Variants in ZMYM4 observed in about 807,000 individuals in gnomAD.
ZMYM4 encodes zinc finger MYM-type protein 4.
A neutral mutation model predicts 183.2 loss-of-function variants in ZMYM4; 31 were observed. That is an observed-to-expected ratio of 0.17 (90% CI 0.13 to 0.23). ZMYM4 has a LOEUF of 0.23. Ranked by LOEUF, ZMYM4 falls within the 10% of genes least tolerant of loss-of-function variation. The pLI, the probability that ZMYM4 is intolerant of heterozygous loss-of-function variation, is 1.00. For missense variants in ZMYM4, 1,273 were observed against 1,840.3 expected, an observed-to-expected ratio of 0.69 and a Z score of 5.64; for synonymous variants, 592 against 631.2, an observed-to-expected ratio of 0.94 and a Z score of 0.93.
At chr1:35,284,376 T>C (rs900202783) in intron 1 of ZMYM4, among the ~76,000 whole-genome samples, 1 of 152,258 alleles carries the variant, frequency 6.6e-6, no homozygotes, top group Non-Finnish European at 1.5e-5. Flanking sequence ...TAAGTTCATG[T>C]AGATTTTTCC....
chr1:35,367,835 G>T (rs189530001), intron 5 of ZMYM4, among the ~76,000 whole-genome samples: 2 of 152,146 alleles, frequency 1.3e-5, no homozygotes, highest in Admixed American at 1.3e-4. Flanking sequence ...AATTAGCCGG[G>T]TGTGGTGGCA....
chr1:35,295,796 G>A (rs1193071049), intron 1 of ZMYM4: 1 of 152,184 alleles, frequency 6.6e-6, no homozygotes, highest in Non-Finnish European at 1.5e-5. Flanking sequence ...CTGGGCCTGT[G>A]AATTGACTAA....
chr1:35,359,244 A>G lies in ZMYM4; in HGVS notation c.405A>G (p.Lys135=). 1.2e-6 allele frequency: 2 copies of G among 1,609,922 alleles called. No individual in the cohort carries two copies. The highest frequency in any genetic ancestry group is 1.7e-6 in the Non-Finnish European group (2 of 1,178,448). Residue 135 remains lysine (K), a synonymous_variant, in exon 3 of 30, where the codon AAA becomes AAG. Transcript: ENST00000314607. ...AAATACAAATTCAAAATAAGTTAAA[A>G]AAAGACTTTCCTAAACAATTTGATC... ...ENEIQIQNKL[K]KDFPKQFDQV...
intron 7 of ZMYM4, among the ~76,000 whole-genome samples, chr1:35,375,151 A>T (rs999652745): frequency 6.6e-6 from 1 of 151,296 alleles, no homozygotes; most frequent in African/African-American, 2.4e-5. Flanking sequence ...CTTCTTTCTT[A>T]CTTTTCTCCT....
At chr1:35,312,634 T>A (rs1185676619) in intron 1 of ZMYM4, among the ~76,000 whole-genome samples, 3 of 152,112 alleles carry the variant, frequency 2.0e-5, no homozygotes, top group Non-Finnish European at 4.4e-5. Context: ...TGTCTTTTTT[T>A]CTTTCTTTTC....
intron 26 of ZMYM4, among the ~76,000 whole-genome samples, chr1:35,412,013 A>G (rs1639924374): frequency 6.6e-6 from 1 of 151,452 alleles, no homozygotes; most frequent in South Asian, 2.1e-4. Context: ...CCTCCGAAGT[A>G]GCTGGGACTA....
chr1:35,383,914 A>G (rs980365541), intron 9 of ZMYM4, among the ~76,000 whole-genome samples: 3 of 152,170 alleles, frequency 2.0e-5, no homozygotes, highest in African/African-American at 7.2e-5. Context: ...GTAAATAACT[A>G]TGATACCACC....
intron 1 of ZMYM4, among the ~76,000 whole-genome samples, chr1:35,320,559 C>T (rs1642239213): frequency 6.6e-6 from 1 of 152,078 alleles, no homozygotes; most frequent in Non-Finnish European, 1.5e-5. Context: ...GTGGGGGTTG[C>T]GCACACCCCA....
At chr1:35,405,540 A>T (rs1558184795) in intron 25 of ZMYM4, 72 bp downstream of exon 25, 1 of 1,175,736 alleles carries the variant, frequency 8.5e-7, no homozygotes. Context: ...TGTAAATTGA[A>T]TATTTAAAAT....
chr1:35,377,814 G>A (rs1451406943), intron 7 of ZMYM4, among the ~76,000 whole-genome samples: 1 of 152,140 alleles, frequency 6.6e-6, no homozygotes, highest in Non-Finnish European at 1.5e-5. Context: ...GGTGGCTGTG[G>A]CAATTTCTTA....
At chr1:35,333,753 CTTAT>C (rs1210125277) in intron 2 of ZMYM4, among the ~76,000 whole-genome samples, 2 of 151,990 alleles carry the variant, frequency 1.3e-5, no homozygotes, top group African/African-American at 4.8e-5. Flanking sequence ...TTGAGTTTTT[CTTAT>C]TTAACAAAAA....
At chr1:35,271,297 G>A (rs200957212) in intron 1 of ZMYM4, among the ~76,000 whole-genome samples, 2 of 151,556 alleles carry the variant, frequency 1.3e-5, no homozygotes, top group East Asian at 3.9e-4. Flanking sequence ...AATATATTCT[G>A]CCTCTTGTCG....
At chr1:35,364,200 A>G (rs1406419195) in intron 5 of ZMYM4, among the ~76,000 whole-genome samples, 1 of 152,142 alleles carries the variant, frequency 6.6e-6, no homozygotes, top group African/African-American at 2.4e-5. Flanking sequence ...CCAAAGGCTT[A>G]CTCCCTGATT....
rs909367757 is a variant in ZMYM4, at chr1:35,371,662, G to A, written c.1181+1035G>A. Among the ~76,000 whole-genome samples the A allele has an allele frequency of 1.2e-4, 18 of 152,116 alleles. 1 individual carries two copies. Among genetic ancestry groups the A allele is most frequent in the Non-Finnish European group, 2.1e-4 (14 of 68,014 alleles). The stretch of plus-strand genomic sequence containing the variant: ...CCATGATTCATTTATTACTTTAGGC[G>A]GTAATGTTTATAGTTCCTCACACAG... On this transcript the variant is annotated intron_variant, in intron 7 of 29. Coordinates refer to ENST00000314607, the MANE Select transcript of ZMYM4 (RefSeq NM_005095.3).
In ZMYM4 at chr1:35,342,467, G is replaced by A. The variant is rs12039394; in HGVS notation, c.86-16458G>A. Among the ~76,000 whole-genome samples the A allele has an allele frequency of 0.02, 3,016 of 152,030 alleles. 209 individuals carry two copies. In the East Asian group the frequency reaches 0.25, roughly 12 times the overall value. ...TCTTGGCCTCCATTTCATTTAAGTC[G>A]TCCCTGTCTTTTGAACTGTAAGCGT... On this transcript the variant is annotated intron_variant, in intron 2 of 29. Coordinates refer to ENST00000314607, the MANE Select transcript of ZMYM4 (RefSeq NM_005095.3).
chr1:35,370,323 CA>C (rs745853263), intron 6 of ZMYM4, 48 bp from the exon 7 acceptor site: 41 of 1,378,134 alleles, frequency 3.0e-5, no homozygotes, highest in South Asian at 7.8e-5. Flanking sequence ...AAAAGTAAAA[CA>C]TTTTTTTCTT....
intron 9 of ZMYM4, among the ~76,000 whole-genome samples, chr1:35,384,549 T>C (rs1329677212): frequency 2.6e-5 from 4 of 152,150 alleles, no homozygotes; most frequent in Admixed American, 2.6e-4. Context: ...TTGTTTGTAT[T>C]TGGACACCTG....
chr1:35,301,933 T>C (rs1388907304), intron 1 of ZMYM4, among the ~76,000 whole-genome samples: 1 of 152,172 alleles, frequency 6.6e-6, no homozygotes, highest in Non-Finnish European at 1.5e-5. Flanking sequence ...GTTTCTCTTC[T>C]CTCAGAGCTT....
intron 2 of ZMYM4, chr1:35,350,825 G>C (rs1308812012): frequency 5.7e-6 from 3 of 523,250 alleles, no homozygotes; most frequent in Non-Finnish European, 1.0e-5. Flanking sequence ...GCTTGGAAAC[G>C]CTTAGTGATA....
Sources: gnomAD v4.1 joint callset for allele counts (sites outside exome capture counted in the v4.1 genomes callset) on GRCh38, gnomAD v4.1.1 for gene constraint, MANE v1.5 for transcripts, NCBI Gene and HGNC (gene_info 2026-07-23, HGNC 2026-07-21) for gene names.